Variants in CDH6 observed in about 807,000 individuals in gnomAD.
The protein encoded by CDH6 is cadherin-6.
Under a neutral mutation model 78.0 loss-of-function variants are expected in CDH6, and 31 were observed. That is an observed-to-expected ratio of 0.40 (90% confidence interval 0.30 to 0.54). The LOEUF is 0.54. Among genes scored for constraint, CDH6 ranks in the 20% least tolerant of loss-of-function variants. The pLI is 0.56. For synonymous variants in CDH6, 376 were observed against 368.8 expected (o/e 1.02, Z -0.23); for missense variants, 724 against 975.9 (o/e 0.74, Z 3.44).
rs147979588 is a variant in CDH6 at position 31,205,403 on chromosome 5, C to T, written c.-129+11517C>T. On this transcript the variant is annotated intron_variant, in intron 1 of 11. Coordinates refer to ENST00000265071, the MANE Select transcript of CDH6 (RefSeq NM_004932.4). ...GATAGGGCAGCCCAGCTTTCAATAACGGAGCCACCAGCCCTCACCTTCCTC... is the reference window on the plus strand; with the variant it reads ...GATAGGGCAGCCCAGCTTTCAATAATGGAGCCACCAGCCCTCACCTTCCTC... Among the ~76,000 whole-genome samples, 277 of 152,272 alleles carry T rather than the reference C, an allele frequency of 1.8e-3. 1 individual carries two copies. Among genetic ancestry groups the T allele is most frequent in the Non-Finnish European group, 1.5e-3 (104 of 68,008 alleles).
At chr5:31,272,576 A>G (rs1482270275) in intron 2 of CDH6, among the ~76,000 whole-genome samples, 2 of 152,248 alleles carry the variant, frequency 1.3e-5, no homozygotes, top group Admixed American at 1.3e-4. Flanking sequence ...AGACATAGGC[A>G]TTCATTAATA....
intron 1 of CDH6, among the ~76,000 whole-genome samples, chr5:31,214,745 C>T (rs2111816028): frequency 6.6e-6 from 1 of 152,246 alleles, no homozygotes; most frequent in South Asian, 2.1e-4. Context: ...ATAGAAACTG[C>T]CAATTTTGAA....
intron 1 of CDH6, among the ~76,000 whole-genome samples, chr5:31,211,647 A>T (rs948855287): frequency 6.6e-6 from 1 of 152,136 alleles, no homozygotes; most frequent in Non-Finnish European, 1.5e-5. Flanking sequence ...AGGCAAAAAA[A>T]TGAGGTTCTG....
chr5:31,296,390 G>T (rs919935895), intron 3 of CDH6, among the ~76,000 whole-genome samples: 1 of 152,138 alleles, frequency 6.6e-6, no homozygotes, highest in Non-Finnish European at 1.5e-5. Flanking sequence ...ATTTCAGGGG[G>T]TTAGGAATAC....
Position 31,297,287 on chromosome 5 carries a change from A to G in CDH6, c.524-2A>G. ...TTTCAGTTTATATTTCTGTCATTAC[A>G]GGTACATTTGTTGTCCAAGTCACTG... On this transcript the variant is annotated splice_acceptor_variant, in intron 3 of 11. Coordinates refer to ENST00000265071, the MANE Select transcript of CDH6 (RefSeq NM_004932.4). LOFTEE classifies it high-confidence loss of function. 6.2e-7 allele frequency: 1 copy of G among 1,610,598 alleles called. No homozygotes were observed.
chr5:31,224,478 TA>T (rs1204383624), intron 1 of CDH6, among the ~76,000 whole-genome samples: 6 of 152,158 alleles, frequency 3.9e-5, no homozygotes, highest in Non-Finnish European at 7.4e-5. Flanking sequence ...GTAAATTATC[TA>T]AAGTAATATG....
At chr5:31,237,019 T>C (rs1741472226) in intron 1 of CDH6, among the ~76,000 whole-genome samples, 1 of 152,224 alleles carries the variant, frequency 6.6e-6, no homozygotes, top group Non-Finnish European at 1.5e-5. Flanking sequence ...CTTAGCCATA[T>C]TTTTGAACAT....
At chr5:31,203,545 A>G (rs1370346243) in intron 1 of CDH6, among the ~76,000 whole-genome samples, 2 of 144,408 alleles carry the variant, frequency 1.4e-5, no homozygotes, top group African/African-American at 5.1e-5. Flanking sequence ...ATGATTTCCA[A>G]TTTCATCCAT....
rs577548845 is a variant in CDH6 at position 31,233,529 on chromosome 5, A to C, written c.-128-33817A>C. Among the ~76,000 whole-genome samples, 234 of 152,022 alleles carry C rather than the reference A, an allele frequency of 1.5e-3. 1 individual carries two copies. The highest frequency in any genetic ancestry group is 0.014 in the Middle Eastern group (4 of 294). On this transcript the variant is annotated intron_variant, in intron 1 of 11. Coordinates refer to ENST00000265071, the MANE Select transcript of CDH6 (RefSeq NM_004932.4). The stretch of plus-strand genomic sequence containing the variant: ...GACTCTGTCTCAAAAAAAAAAAACA[A>C]AACAAAAACTTTGCTTATCATATTT...
chr5:31,326,562 T>C lies in CDH6; in HGVS notation c.*3254T>C. Reference sequence around the variant, plus strand: ...GTGTCCATAAAGGGATGTTCAGCAATGAAATTACTCCCTTTTCAGATGGAA... The same window carrying C: ...GTGTCCATAAAGGGATGTTCAGCAACGAAATTACTCCCTTTTCAGATGGAA... On this transcript the variant is annotated 3_prime_UTR_variant, in exon 12 of 12. Transcript: ENST00000265071. The C allele has an allele frequency of 5.2e-6, 1 of 191,488 alleles. No homozygotes were observed. The highest frequency in any genetic ancestry group is 1.1e-5 in the Non-Finnish European group (1 of 91,542). The allele number at this position is 191,488 out of a possible 1,614,324, so 11.9% of individuals were successfully genotyped here.
In CDH6 at chr5:31,324,708, A is replaced by G. The variant is rs1447138963; in HGVS notation, c.*1400A>G. 1 of 209,722 alleles carries G rather than the reference A, an allele frequency of 4.8e-6. No individual in the cohort carries two copies. Among genetic ancestry groups the G allele is most frequent in the Non-Finnish European group, 9.7e-6 (1 of 103,286 alleles). 13.0% of individuals were successfully genotyped at this position (209,722 alleles called of 1,614,324 possible). On this transcript the variant is annotated 3_prime_UTR_variant, in exon 12 of 12. Coordinates refer to ENST00000265071, the MANE Select transcript of CDH6 (RefSeq NM_004932.4). ...AGAAAAGTAATGTAAAATCCATCCA[A>G]TCTATTATTTCTCTAATTATGCAAT...
intron 1 of CDH6, among the ~76,000 whole-genome samples, chr5:31,199,827 C>A (rs997595048): frequency 1.1e-4 from 17 of 150,674 alleles, no homozygotes; most frequent in African/African-American, 3.2e-4. Flanking sequence ...TATGTCACAC[C>A]CTCTTCTAAG....
At chr5:31,269,285 G>A (rs1047959150) in intron 2 of CDH6, among the ~76,000 whole-genome samples, 2 of 116,852 alleles carry the variant, frequency 1.7e-5, no homozygotes, top group African/African-American at 2.9e-5. Flanking sequence ...AAAAAAAGCG[G>A]GGGGGGCAGG....
At chr5:31,234,080 G>A (rs991252716) in intron 1 of CDH6, among the ~76,000 whole-genome samples, 1 of 152,116 alleles carries the variant, frequency 6.6e-6, no homozygotes, top group Non-Finnish European at 1.5e-5. Context: ...TCTGTTTAAA[G>A]TGTGTTCTTA....
At chr5:31,243,375 C>T (rs959929353) in intron 1 of CDH6, among the ~76,000 whole-genome samples, 14 of 152,170 alleles carry the variant, frequency 9.2e-5, no homozygotes, top group African/African-American at 3.4e-4. Flanking sequence ...GGAAGATGGC[C>T]TGCTATGGCC....
chr5:31,195,747 G>C (rs1368158853), intron 1 of CDH6, among the ~76,000 whole-genome samples: 1 of 152,200 alleles, frequency 6.6e-6, no homozygotes, highest in African/African-American at 2.4e-5. Context: ...ACATAGGGTT[G>C]TATCTCATCC....
At chr5:31,212,888 G>A (rs751032799) in intron 1 of CDH6, among the ~76,000 whole-genome samples, 35 of 152,170 alleles carry the variant, frequency 2.3e-4, no homozygotes, top group Non-Finnish European at 4.6e-4. Context: ...AGCCCACGTA[G>A]GTGCCCCTGG....
chr5:31,323,029 C>T lies in CDH6; in HGVS notation c.2094C>T (p.Phe698=). Residue 698 remains phenylalanine (F), a synonymous_variant, in exon 12 of 12, where the codon TTC becomes TTT. Transcript: ENST00000265071. ...GGGACATTGTGCCCGAAGCCCTTTT[C>T]CTACCCCGACGGACTCCAACAGCTC... is the stretch of plus-strand genomic sequence containing the variant. The part of the protein sequence containing the change: ...LRRDIVPEAL[F]LPRRTPTARD... The T allele has an allele frequency of 6.2e-7, 1 of 1,614,192 alleles. No individual in the cohort carries two copies.
chr5:31,253,825 GT>G lies in CDH6; in HGVS notation c.-128-13509del, dbSNP rs1397035455. Among the ~76,000 whole-genome samples the G allele has an allele frequency of 7.8e-3, 1,120 of 143,004 alleles. 11 individuals carry two copies. Among genetic ancestry groups the G allele is most frequent in the African/African-American group, 0.025 (993 of 39,248 alleles). The allele number at this position is 143,004 out of a possible 152,430, so 93.8% of individuals were successfully genotyped here. A position where few individuals can be genotyped will look rare whatever the true frequency, so the allele number is the denominator to read the frequency against. On this transcript the variant is annotated intron_variant, in intron 1 of 11. Transcript: ENST00000265071. ...CAAACTATAACAGGACTGATACAGG[GT>G]TTTTTTTTTTTAGAAGCGAATCTGA...
Sources: allele counts gnomAD v4.1 joint callset (sites outside exome capture counted in the v4.1 genomes callset), GRCh38; gene constraint gnomAD v4.1.1; transcripts MANE v1.5; gene names NCBI Gene and HGNC (gene_info 2026-07-23, HGNC 2026-07-21).